The following MROH2A variants were observed in gnomAD, a reference collection of about 807,000 sequenced individuals.
MROH2A encodes the protein maestro heat-like repeat-containing protein family member 2A.
A neutral mutation model predicts 200.4 loss-of-function variants in MROH2A; 174 were observed. The observed-to-expected ratio is 0.87, with a 90% confidence interval of 0.77 to 0.98. The LOEUF is 0.98. Ranked by LOEUF, MROH2A falls within the 50% of genes least tolerant of loss-of-function variation. MROH2A has a pLI of 0.00. For synonymous variants in MROH2A, 829 were observed against 840.4 expected (o/e 0.99, Z 0.23); for missense variants, 2,045 against 2,139.6 (o/e 0.96, Z 0.87).
At chr2:233,777,614 A>G (rs531779903), upstream of MROH2A, among the ~76,000 whole-genome samples, 2 of 152,354 alleles carry the variant, frequency 1.3e-5, no homozygotes, top group Admixed American at 6.5e-5. Flanking sequence ...GAGAGTAATG[A>G]GCTCCCTCGT....
intron 5 of MROH2A, among the ~76,000 whole-genome samples, chr2:233,790,252 G>A (rs1239674344): frequency 7.4e-6 from 1 of 135,120 alleles, no homozygotes; most frequent in East Asian, 2.0e-4. Context: ...CACCTGCATT[G>A]TTCTGTCTTT....
chr2:233,784,916 G>C, intron 3 of MROH2A, among the ~76,000 whole-genome samples: 1 of 152,122 alleles, frequency 6.6e-6, no homozygotes, highest in East Asian at 1.9e-4. Context: ...TGGGAGCCAA[G>C]GCGGGCGGAT....
intron 13 of MROH2A, 68 bp downstream of exon 13, chr2:233,799,967 G>A (rs1341599969): frequency 6.5e-7 from 1 of 1,541,432 alleles, no homozygotes; most frequent in Non-Finnish European, 8.8e-7. Flanking sequence ...GTGCTGAGGG[G>A]AGAATGCCAC....
At position 233,822,611 on chromosome 2, in the gene MROH2A, G is replaced by A. The variant is rs915271555; in HGVS notation, c.3866+55G>A. The A allele has an allele frequency of 2.5e-5, 38 of 1,511,884 alleles. No individual in the cohort carries two copies. The Admixed American group carries it at 3.2e-4, about 13-fold the overall frequency. The allele number at this position is 1,511,884 out of a possible 1,614,324, so 93.7% of individuals were successfully genotyped here. On this transcript the variant is annotated intron_variant, in intron 33 of 41. Transcript: ENST00000389758. ...GCAGGCCTGGGCTGGCTGTAGCCACGGGCTGCCCCTTAGTTGCCAGTGGAC... is the reference window on the plus strand; with the variant it reads ...GCAGGCCTGGGCTGGCTGTAGCCACAGGCTGCCCCTTAGTTGCCAGTGGAC...
chr2:233,818,361 G>A (rs907709515), intron 28 of MROH2A, among the ~76,000 whole-genome samples: 38 of 152,168 alleles, frequency 2.5e-4, no homozygotes, highest in Non-Finnish European at 7.3e-5. Context: ...GGCATGTGCT[G>A]GGCACTGAGG....
intron 27 of MROH2A, among the ~76,000 whole-genome samples, chr2:233,817,776 T>TGATCCAGGGCCCACA (rs1224441054): frequency 6.6e-6 from 1 of 152,224 alleles, no homozygotes; most frequent in Non-Finnish European, 1.5e-5. Flanking sequence ...GAGGGAGTCC[T>TGATCCAGGGCCCACA]GATCCAGGGC....
At chr2:233,824,324 A>T (rs1171366562) in intron 35 of MROH2A, among the ~76,000 whole-genome samples, 2 of 140,426 alleles carry the variant, frequency 1.4e-5, no homozygotes, top group South Asian at 4.4e-4. Context: ...CCAACACTTA[A>T]AAATGGGAAA....
intron 40 of MROH2A, 82 bp downstream of exon 40, chr2:233,832,361 C>A: frequency 8.0e-7 from 1 of 1,253,088 alleles, no homozygotes; most frequent in Non-Finnish European, 1.1e-6. Flanking sequence ...AAGGGTGGAT[C>A]ATGAGTGGGA....
intron 3 of MROH2A, among the ~76,000 whole-genome samples, chr2:233,788,141 A>G (rs530821650): frequency 1.6e-4 from 18 of 109,574 alleles, no homozygotes; most frequent in African/African-American, 6.4e-4. Flanking sequence ...TTTTATATAT[A>G]TATAATATAT....
chr2:233,812,129 G>C (rs773355643), intron 24 of MROH2A, among the ~76,000 whole-genome samples, 170 bp downstream of exon 24: 39 of 150,942 alleles, frequency 2.6e-4, no homozygotes, highest in African/African-American at 9.4e-4. Context: ...GATGGGGGTC[G>C]GCCTCAGCCA....
At position 233,796,265 on chromosome 2, in the gene MROH2A, G is replaced by C. The variant is rs773216265; in HGVS notation, c.1204G>C (p.Val402Leu). 7.1e-6 allele frequency: 11 copies of C among 1,546,550 alleles called. No homozygotes were observed. Among genetic ancestry groups the C allele is most frequent in the Non-Finnish European group, 8.7e-6 (10 of 1,145,600 alleles). The change falls in exon 11 of 42, where the codon GTC (valine) becomes CTC (leucine). Residue 402 changes from valine to leucine, a missense_variant. Physicochemically the swap from Val to Leu is conservative, Grantham distance 32 (BLOSUM62 1). Coordinates refer to ENST00000389758, the MANE Select transcript of MROH2A (RefSeq NM_001394639.1). ...FSQMETNKEA[V>L]RVGTLNLIRA... ...CCAGATGGAGACAAACAAGGAGGCCGTCCGCGTGGGGACTCTGAATCTGAT... is the reference window on the plus strand; with the variant it reads ...CCAGATGGAGACAAACAAGGAGGCCCTCCGCGTGGGGACTCTGAATCTGAT...
chr2:233,832,125 C>A (rs950821336), intron 39 of MROH2A, 52 bp from the exon 40 acceptor site: 8 of 1,410,264 alleles, frequency 5.7e-6, no homozygotes, highest in Admixed American at 4.0e-5. Flanking sequence ...AATGACAGCC[C>A]ATTGTCAGGG....
At chr2:233,796,866 T>G (rs1443603474) in intron 11 of MROH2A, among the ~76,000 whole-genome samples, 1 of 152,228 alleles carries the variant, frequency 6.6e-6, no homozygotes, top group Non-Finnish European at 1.5e-5. Flanking sequence ...CTTTGTTCAG[T>G]GCACAAATTG....
At chr2:233,804,219 A>T in intron 17 of MROH2A, 27 bp downstream of exon 17, 1 of 1,549,718 alleles carries the variant, frequency 6.5e-7, no homozygotes. Context: ...GCCCATCCCA[A>T]GCCAACCCTC....
Position 233,788,796 on chromosome 2 carries a change from G to A in MROH2A, c.277-701G>A, listed in dbSNP as rs1464696891. Among the ~76,000 whole-genome samples the A allele has an allele frequency of 3.9e-5, 6 of 151,914 alleles. No individual in the cohort carries two copies. The South Asian group carries it at 6.2e-4, about 16-fold the overall frequency. ...ACTAAAAATACAAAAAAAATTAGCCGGGCGTGGTGGCGGGCGCCTGTAGTC... is the reference window on the plus strand; with the variant it reads ...ACTAAAAATACAAAAAAAATTAGCCAGGCGTGGTGGCGGGCGCCTGTAGTC... On this transcript the variant is annotated intron_variant, in intron 3 of 41. Coordinates refer to ENST00000389758, the MANE Select transcript of MROH2A (RefSeq NM_001394639.1).
intron 26 of MROH2A, among the ~76,000 whole-genome samples, 169 bp downstream of exon 26, chr2:233,814,846 C>T (rs1291436047): frequency 6.6e-6 from 1 of 152,212 alleles, no homozygotes; most frequent in East Asian, 1.9e-4. Flanking sequence ...TGCAAAGATA[C>T]TCTTCATGCA....
At chr2:233,792,604 T>C (rs918741326) in intron 5 of MROH2A, among the ~76,000 whole-genome samples, 192 bp from the exon 6 acceptor site, 9 of 152,084 alleles carry the variant, frequency 5.9e-5, no homozygotes, top group South Asian at 4.2e-4. Flanking sequence ...TGAGACACCG[T>C]GCCCTTCTAG....
chr2:233,805,813 G>A (rs907740200), intron 19 of MROH2A, among the ~76,000 whole-genome samples: 5 of 152,154 alleles, frequency 3.3e-5, no homozygotes, highest in Non-Finnish European at 7.4e-5. Context: ...ACAATTCAGT[G>A]GGGAAAGAAT....
rs900487008 is a variant in MROH2A, at chr2:233,831,445, T to C, written c.4639T>C (p.Trp1547Arg). Reference protein sequence around the residue: ...MATMFQCVHFWGWKSLEHPSG... With the variant: ...MATMFQCVHFRGWKSLEHPSG... ...TACCATGTTTCAGTGTGTGCACTTC[T>C]GGGGCTGGAAGTCCCTGGAGCATCC... The change falls in exon 39 of 42, where the codon TGG (tryptophan) becomes CGG (arginine). Residue 1547 changes from tryptophan (W) to arginine (R), a missense_variant. Physicochemically the swap from Trp to Arg is moderately radical, Grantham distance 101. Coordinates refer to ENST00000389758, the MANE Select transcript of MROH2A (RefSeq NM_001394639.1). 5 of 1,550,404 alleles carry C rather than the reference T, an allele frequency of 3.2e-6. No homozygotes were observed. In the African/African-American group the frequency reaches 5.5e-5, roughly 17 times the overall value.
Sources: gnomAD v4.1 joint callset for allele counts (sites outside exome capture counted in the v4.1 genomes callset) on GRCh38, gnomAD v4.1.1 for gene constraint, MANE v1.5 for transcripts, NCBI Gene and HGNC (gene_info 2026-07-23, HGNC 2026-07-21) for gene names.